Variants in SGCZ observed in about 807,000 individuals in gnomAD.
SGCZ encodes zeta-sarcoglycan.
SGCZ carries 40 observed loss-of-function variants against 41.3 expected under a neutral mutation model. The ratio of observed to expected loss-of-function variants is 0.97; its 90% CI spans 0.75 to 1.26. The LOEUF (loss-of-function observed/expected upper bound fraction) is 1.26. Among genes scored for constraint, SGCZ ranks in the 50% most tolerant of loss-of-function variants. SGCZ has a pLI of 0.00. For missense variants in SGCZ, 552 were observed against 369.8 expected, an observed-to-expected ratio of 1.49 and a Z score of -4.04; for synonymous variants, 206 against 137.5, an observed-to-expected ratio of 1.50 and a Z score of -3.49.
chr8:15,108,743 A>T (rs1806931786), intron 1 of SGCZ, among the ~76,000 whole-genome samples: 1 of 152,166 alleles, frequency 6.6e-6, no homozygotes, highest in Non-Finnish European at 1.5e-5. Context: ...AGAAATCATT[A>T]TTAATATGTA....
At chr8:14,619,745 G>C (rs534411354) in intron 1 of SGCZ, among the ~76,000 whole-genome samples, 1 of 152,054 alleles carries the variant, frequency 6.6e-6, no homozygotes, top group Non-Finnish European at 1.5e-5. Flanking sequence ...GGATTTGAAG[G>C]ACCTTTTCAA....
chr8:15,111,083 G>T (rs1007033483), intron 1 of SGCZ, among the ~76,000 whole-genome samples: 3 of 152,162 alleles, frequency 2.0e-5, no homozygotes, highest in Non-Finnish European at 2.9e-5. Flanking sequence ...GCCAATTCAC[G>T]CTTATTTCAT....
intron 3 of SGCZ, among the ~76,000 whole-genome samples, chr8:14,252,880 A>T (rs1163838783): frequency 8.5e-5 from 13 of 152,302 alleles, no homozygotes; most frequent in African/African-American, 3.1e-4. Flanking sequence ...TTACTTCACC[A>T]TACTGGCTTT....
At chr8:14,904,776 T>C (rs144036284) in intron 1 of SGCZ, among the ~76,000 whole-genome samples, 1 of 152,168 alleles carries the variant, frequency 6.6e-6, no homozygotes, top group African/African-American at 2.4e-5. Flanking sequence ...GGTTTTGATT[T>C]ATTTTACACT....
chr8:15,214,144 TATA>T (rs1299903842), intron 1 of SGCZ, among the ~76,000 whole-genome samples: 3 of 152,080 alleles, frequency 2.0e-5, no homozygotes, highest in Non-Finnish European at 2.9e-5. Flanking sequence ...TCAATTTTTA[TATA>T]ATAATAAGTT....
chr8:14,253,213 ATAT>A (rs1799345052), intron 3 of SGCZ, among the ~76,000 whole-genome samples: 1 of 17,774 alleles, frequency 5.6e-5, no homozygotes, highest in Admixed American at 7.3e-4. Flanking sequence ...GCTTCTAAAA[ATAT>A]GCTTCTAAAA....
At chr8:14,620,620 T>G (rs1163122596) in intron 1 of SGCZ, among the ~76,000 whole-genome samples, 2 of 152,052 alleles carry the variant, frequency 1.3e-5, no homozygotes, top group Non-Finnish European at 2.9e-5. Flanking sequence ...CATCAACAAG[T>G]GGGCAAAGGA....
intron 1 of SGCZ, among the ~76,000 whole-genome samples, chr8:14,894,616 A>G (rs924744365): frequency 6.6e-6 from 1 of 152,176 alleles, no homozygotes; most frequent in East Asian, 1.9e-4. Flanking sequence ...ACCCCGAGGA[A>G]GAAATAATTG....
At chr8:14,176,524 C>G (rs1397604987) in intron 4 of SGCZ, among the ~76,000 whole-genome samples, 3 of 152,134 alleles carry the variant, frequency 2.0e-5, no homozygotes, top group Admixed American at 2.0e-4. Context: ...TGTATGTCCT[C>G]AAATGACTGT....
chr8:15,038,157 G>A (rs1297503605), intron 1 of SGCZ, among the ~76,000 whole-genome samples: 1 of 151,912 alleles, frequency 6.6e-6, no homozygotes, highest in Non-Finnish European at 1.5e-5. Context: ...AAACATTCTT[G>A]AGCAAAAAGA....
chr8:14,989,126 A>G (rs765007745), intron 1 of SGCZ, among the ~76,000 whole-genome samples: 1 of 152,170 alleles, frequency 6.6e-6, no homozygotes, highest in Non-Finnish European at 1.5e-5. Context: ...ACCCCAGTTA[A>G]GTTTATGGGA....
intron 1 of SGCZ, among the ~76,000 whole-genome samples, chr8:14,886,049 A>G (rs1804794138): frequency 7.8e-6 from 1 of 127,994 alleles, no homozygotes; most frequent in Admixed American, 8.2e-5. Flanking sequence ...TTGTATACTT[A>G]GCTTTTTCAC....
At chr8:14,797,755 G>C (rs573896520) in intron 1 of SGCZ, among the ~76,000 whole-genome samples, 86 of 152,234 alleles carry the variant, frequency 5.6e-4, no homozygotes, top group South Asian at 4.1e-3. Flanking sequence ...GGTTTCCTGG[G>C]GTGGGTCCAG....
chr8:14,963,425 G>A (rs548100629), intron 1 of SGCZ, among the ~76,000 whole-genome samples: 7 of 151,452 alleles, frequency 4.6e-5, no homozygotes, highest in South Asian at 2.1e-4. Flanking sequence ...TGCATCCTGC[G>A]CCTCCCGGGT....
chr8:15,092,709 T>A (rs1806198698), intron 1 of SGCZ, among the ~76,000 whole-genome samples: 1 of 152,228 alleles, frequency 6.6e-6, no homozygotes, highest in Non-Finnish European at 1.5e-5. Context: ...AAGAAAATCA[T>A]ATTTTAAATA....
intron 1 of SGCZ, among the ~76,000 whole-genome samples, chr8:14,757,906 G>T (rs117364597): frequency 6.6e-6 from 1 of 151,920 alleles, no homozygotes; most frequent in South Asian, 2.1e-4. Context: ...TTATACTAAC[G>T]CCTTTAAATG....
At chr8:14,824,489 C>A (rs898540812) in intron 1 of SGCZ, among the ~76,000 whole-genome samples, 7 of 152,110 alleles carry the variant, frequency 4.6e-5, no homozygotes, top group African/African-American at 1.7e-4. Flanking sequence ...ATTTCCATAT[C>A]ATAATTTTAA....
intron 1 of SGCZ, among the ~76,000 whole-genome samples, chr8:14,688,728 G>A (rs1364840514): frequency 2.6e-5 from 4 of 152,116 alleles, no homozygotes; most frequent in Non-Finnish European, 4.4e-5. Flanking sequence ...CCAATTGTGT[G>A]AAGAAAGTCA....
chr8:15,082,985 T>G (rs1048648787), intron 1 of SGCZ, among the ~76,000 whole-genome samples: 5 of 152,220 alleles, frequency 3.3e-5, no homozygotes, highest in African/African-American at 1.2e-4. Context: ...TTTACCTTCT[T>G]TATTCATTGA....
Sources: gnomAD v4.1 joint callset for allele counts (sites outside exome capture counted in the v4.1 genomes callset) on GRCh38, gnomAD v4.1.1 for gene constraint, MANE v1.5 for transcripts, NCBI Gene and HGNC (gene_info 2026-07-23, HGNC 2026-07-21) for gene names.